Variants in EYS observed in about 807,000 individuals in gnomAD.
EYS encodes the protein protein eyes shut homolog.
In EYS, 250 loss-of-function variants were observed where a neutral mutation model predicts 282.1. The observed-to-expected ratio is 0.89, with a 90% CI of 0.80 to 0.98. The LOEUF is 0.98. EYS is among the 50% of genes least tolerant of loss of function. The probability of loss-of-function intolerance (pLI) is 0.00; values close to 1 mark genes in which losing one functional copy is unlikely to be tolerated. For synonymous variants in EYS, 1,355 were observed against 1,282.9 expected, an observed-to-expected ratio of 1.06 and a Z score of -1.20; for missense variants, 4,016 against 3,709.0, an observed-to-expected ratio of 1.08 and a Z score of -2.15.
chr6:64,543,375 C>T (rs114888113), intron 26 of EYS, among the ~76,000 whole-genome samples: 5,131 of 151,818 alleles, frequency 0.034, 110 homozygotes, highest in Non-Finnish European at 0.053. Flanking sequence ...ACAGATTTGC[C>T]TATATTGTAG....
chr6:64,409,183 A>G (rs1376489551), intron 28 of EYS, among the ~76,000 whole-genome samples: 2 of 152,078 alleles, frequency 1.3e-5, no homozygotes, highest in Non-Finnish European at 2.9e-5. Flanking sequence ...CACTTTCTTT[A>G]TCCAGTCCAC....
At chr6:64,462,778 C>T (rs928107734) in intron 26 of EYS, among the ~76,000 whole-genome samples, 6 of 151,706 alleles carry the variant, frequency 4.0e-5, no homozygotes, top group African/African-American at 1.2e-4. Flanking sequence ...TAATTATTTG[C>T]GGGATTTCAG....
chr6:64,381,839 C>T (rs1005629571), intron 29 of EYS, among the ~76,000 whole-genome samples: 2 of 152,136 alleles, frequency 1.3e-5, no homozygotes, highest in East Asian at 3.9e-4. Context: ...GTTAAGTAAG[C>T]AAATTCATCT....
intron 31 of EYS, among the ~76,000 whole-genome samples, chr6:64,108,467 C>T (rs999286335): frequency 5.0e-4 from 73 of 147,130 alleles, no homozygotes; most frequent in African/African-American, 1.7e-3. Context: ...GACTTCCAAG[C>T]TCCTTACATA....
chr6:64,512,872 A>AAC (rs1276289859), intron 26 of EYS, among the ~76,000 whole-genome samples: 2 of 151,830 alleles, frequency 1.3e-5, no homozygotes, highest in Non-Finnish European at 2.9e-5. Flanking sequence ...AAAGCAATAA[A>AAC]ACACTCTGTT....
At chr6:65,438,407 T>G (rs964804713) in intron 5 of EYS, among the ~76,000 whole-genome samples, 1 of 152,202 alleles carries the variant, frequency 6.6e-6, no homozygotes, top group Non-Finnish European at 1.5e-5. Flanking sequence ...GTATTTCTAA[T>G]TCTAGATCCT....
At chr6:64,430,467 G>A (rs139406593) in intron 28 of EYS, among the ~76,000 whole-genome samples, 70 of 152,130 alleles carry the variant, frequency 4.6e-4, no homozygotes, top group African/African-American at 1.6e-3. Context: ...GATAAATAGC[G>A]TATATATCAG....
chr6:65,536,195 G>C (rs1767958581), intron 2 of EYS, among the ~76,000 whole-genome samples: 1 of 151,956 alleles, frequency 6.6e-6, no homozygotes, highest in Non-Finnish European at 1.5e-5. Flanking sequence ...GGTGATAGGA[G>C]AGATACCTTG....
chr6:64,468,927 A>AG (rs1776021260), intron 26 of EYS, among the ~76,000 whole-genome samples: 1 of 152,030 alleles, frequency 6.6e-6, no homozygotes, highest in Non-Finnish European at 1.5e-5. Flanking sequence ...CATTTATTCT[A>AG]TGTCTTTGCT....
chr6:65,513,641 C>T (rs1376164670), intron 2 of EYS, among the ~76,000 whole-genome samples: 8 of 152,118 alleles, frequency 5.3e-5, no homozygotes, highest in African/African-American at 1.9e-4. Flanking sequence ...TCAATATATG[C>T]AAATCAATAA....
At chr6:65,301,854 G>A (rs936654727) in intron 11 of EYS, among the ~76,000 whole-genome samples, 1 of 152,212 alleles carries the variant, frequency 6.6e-6, no homozygotes, top group African/African-American at 2.4e-5. Flanking sequence ...TCAAGGTTCT[G>A]GACCTTGAGA....
intron 5 of EYS, among the ~76,000 whole-genome samples, chr6:65,455,517 T>C (rs1359628764): frequency 6.6e-6 from 1 of 151,220 alleles, no homozygotes; most frequent in African/African-American, 2.4e-5. Context: ...TTAACTAAAC[T>C]AAAAAAAACG....
At chr6:64,947,756 C>T (rs1769339067) in intron 14 of EYS, among the ~76,000 whole-genome samples, 1 of 148,964 alleles carries the variant, frequency 6.7e-6, no homozygotes, top group African/African-American at 2.5e-5. Context: ...GAAAGCAATT[C>T]CACAATAGTC....
chr6:64,755,706 C>A (rs997164354), intron 22 of EYS, among the ~76,000 whole-genome samples: 2 of 151,884 alleles, frequency 1.3e-5, no homozygotes, highest in African/African-American at 4.8e-5. Flanking sequence ...TACACAGGGG[C>A]ATAGAGAGTG....
intron 41 of EYS, among the ~76,000 whole-genome samples, chr6:63,748,734 A>G (rs1428312806): frequency 6.6e-6 from 1 of 151,958 alleles, no homozygotes; most frequent in Non-Finnish European, 1.5e-5. Flanking sequence ...TGTATCCAGG[A>G]ATTTATCTAT....
At chr6:64,341,598 C>T (rs1398969446) in intron 29 of EYS, among the ~76,000 whole-genome samples, 2 of 151,664 alleles carry the variant, frequency 1.3e-5, no homozygotes, top group Non-Finnish European at 3.0e-5. Context: ...GGGTACTATG[C>T]TCACTAGCTG....
chr6:65,630,921 A>T (rs1047287560), intron 2 of EYS, among the ~76,000 whole-genome samples: 5 of 152,242 alleles, frequency 3.3e-5, no homozygotes, highest in Admixed American at 6.5e-5. Flanking sequence ...AGAACCAAAG[A>T]TGTAAGCAAT....
intron 22 of EYS, among the ~76,000 whole-genome samples, chr6:64,734,917 T>C (rs556800989): frequency 6.2e-4 from 95 of 152,318 alleles, no homozygotes; most frequent in African/African-American, 2.2e-3. Context: ...TTTATTATTC[T>C]ATTATTTTTC....
At chr6:64,240,367 G>C (rs912606276) in intron 30 of EYS, among the ~76,000 whole-genome samples, 1 of 152,156 alleles carries the variant, frequency 6.6e-6, no homozygotes, top group Non-Finnish European at 1.5e-5. Flanking sequence ...TCATGATATT[G>C]CTACTTCCTA....
Sources: allele counts gnomAD v4.1 joint callset (sites outside exome capture counted in the v4.1 genomes callset), GRCh38; gene constraint gnomAD v4.1.1; transcripts MANE v1.5; gene names NCBI Gene and HGNC (gene_info 2026-07-23, HGNC 2026-07-21).